Variants in SLC16A7 observed in about 807,000 individuals in gnomAD.
The protein encoded by SLC16A7 is monocarboxylate transporter 2.
A neutral mutation model predicts 34.9 loss-of-function variants in SLC16A7; 33 were observed. That is an observed-to-expected ratio of 0.94 (90% CI 0.72 to 1.26). The LOEUF (loss-of-function observed/expected upper bound fraction) is 1.26, where lower values mean the gene tolerates loss of function less well. SLC16A7 is among the 50% of genes most tolerant of loss of function. The probability of loss-of-function intolerance (pLI) is 0.00; values close to 1 mark genes in which losing one functional copy is unlikely to be tolerated. For missense variants in SLC16A7, 573 were observed against 578.1 expected, an observed-to-expected ratio of 0.99 and a Z score of 0.09; for synonymous variants, 201 against 206.6, an observed-to-expected ratio of 0.97 and a Z score of 0.23.
intron 2 of SLC16A7, among the ~76,000 whole-genome samples, chr12:59,663,224 T>G (rs1444276361): frequency 6.6e-6 from 1 of 151,994 alleles, no homozygotes; most frequent in Non-Finnish European, 1.5e-5. Context: ...CTTTAGAATA[T>G]TTTGTAATAA....
At chr12:59,701,649 C>G (rs1288421327) in intron 2 of SLC16A7, among the ~76,000 whole-genome samples, 1 of 151,576 alleles carries the variant, frequency 6.6e-6, no homozygotes, top group African/African-American at 2.4e-5. Context: ...GTGTTGACAC[C>G]TATTTATTGT....
intron 1 of SLC16A7, among the ~76,000 whole-genome samples, chr12:59,616,367 A>G (rs1174392720): frequency 2.0e-5 from 3 of 152,198 alleles, no homozygotes; most frequent in Non-Finnish European, 2.9e-5. Context: ...AACAATTAAA[A>G]AATCATTTGT....
At chr12:59,726,642 T>G (rs1565675904) in intron 3 of SLC16A7, among the ~76,000 whole-genome samples, 2 of 152,104 alleles carry the variant, frequency 1.3e-5, no homozygotes, top group Non-Finnish European at 2.9e-5. Flanking sequence ...ACATTAAAAA[T>G]TAAAAGGGTA....
chr12:59,621,872 G>A (rs939406215), intron 1 of SLC16A7, among the ~76,000 whole-genome samples: 1 of 151,688 alleles, frequency 6.6e-6, no homozygotes, highest in Non-Finnish European at 1.5e-5. Flanking sequence ...TCTTTGTTTT[G>A]AGGAAATTAT....
intron 3 of SLC16A7, among the ~76,000 whole-genome samples, chr12:59,749,361 A>G (rs1283576367): frequency 6.6e-6 from 1 of 152,180 alleles, no homozygotes; most frequent in East Asian, 1.9e-4. Flanking sequence ...TTGTGCCTCA[A>G]TTCAGGAAGT....
intron 3 of SLC16A7, among the ~76,000 whole-genome samples, chr12:59,745,644 A>G (rs1042140743): frequency 1.3e-5 from 2 of 152,222 alleles, no homozygotes; most frequent in African/African-American, 2.4e-5. Flanking sequence ...AACTGTGGCA[A>G]TTATGATACA....
In SLC16A7 at chr12:59,781,036, TA is replaced by T. The variant is rs1883210222; in HGVS notation, c.*1358del. 1 of 152,146 alleles carries T rather than the reference TA, an allele frequency of 6.6e-6. No individual in the cohort carries two copies. Among genetic ancestry groups the T allele is most frequent in the African/African-American group, 2.4e-5 (1 of 41,454 alleles). 9.4% of individuals were successfully genotyped at this position (152,146 alleles called of 1,614,324 possible). On this transcript the variant is annotated 3_prime_UTR_variant, in exon 6 of 6. Coordinates refer to ENST00000547379, the MANE Select transcript of SLC16A7 (RefSeq NM_001270623.2). ...AGAGGCACTGTATGACTTGCAATCG[TA>T]GGTATAGTTTATAACCTGATAGCAA...
At chr12:59,609,120 C>T (rs574213825) in intron 1 of SLC16A7, among the ~76,000 whole-genome samples, 25 of 152,272 alleles carry the variant, frequency 1.6e-4, no homozygotes, top group South Asian at 1.2e-3. Flanking sequence ...GAAGAATCAC[C>T]GAGTGAGTTC....
chr12:59,667,893 AT>A (rs1184887140), intron 2 of SLC16A7, among the ~76,000 whole-genome samples: 1 of 152,186 alleles, frequency 6.6e-6, no homozygotes, highest in Non-Finnish European at 1.5e-5. Context: ...GGTACCCTGC[AT>A]CCCAGCCATG....
At chr12:59,621,289 G>T (rs1462681589) in intron 1 of SLC16A7, among the ~76,000 whole-genome samples, 1 of 151,752 alleles carries the variant, frequency 6.6e-6, no homozygotes, top group African/African-American at 2.4e-5. Flanking sequence ...TTCTTTCCTG[G>T]ATAGAGCAGT....
chr12:59,677,257 G>A (rs747086095), intron 2 of SLC16A7, among the ~76,000 whole-genome samples: 67 of 152,000 alleles, frequency 4.4e-4, no homozygotes, highest in Non-Finnish European at 8.2e-4. Context: ...GTAGGCCAGA[G>A]GCATATTGGA....
chr12:59,747,424 A>G (rs1879014301), intron 3 of SLC16A7, among the ~76,000 whole-genome samples: 1 of 152,242 alleles, frequency 6.6e-6, no homozygotes, highest in Admixed American at 6.5e-5. Context: ...TTAAAAAATT[A>G]TAAAATATTT....
chr12:59,757,910 C>A (rs975946017), intron 3 of SLC16A7, among the ~76,000 whole-genome samples: 1 of 152,076 alleles, frequency 6.6e-6, no homozygotes, highest in African/African-American at 2.4e-5. Flanking sequence ...AATACATATA[C>A]AAAATGTGCG....
chr12:59,610,116 G>A (rs906006701), intron 1 of SLC16A7, among the ~76,000 whole-genome samples: 3 of 152,170 alleles, frequency 2.0e-5, no homozygotes, highest in African/African-American at 4.8e-5. Flanking sequence ...CCGAGGTAGA[G>A]TGGAATCCTC....
At chr12:59,685,740 C>T (rs1310928212) in intron 2 of SLC16A7, among the ~76,000 whole-genome samples, 1 of 151,982 alleles carries the variant, frequency 6.6e-6, no homozygotes, top group East Asian at 1.9e-4. Context: ...ATACAATATA[C>T]AAGGTTCTGT....
intron 4 of SLC16A7, 110 bp from the exon 5 acceptor site, chr12:59,774,547 C>A (rs191000005): frequency 3.2e-6 from 2 of 625,452 alleles, no homozygotes; most frequent in East Asian, 2.7e-5. Context: ...TATGATATTG[C>A]GTTTTTAATT....
chr12:59,602,528 G>A (rs1471855395), intron 1 of SLC16A7, among the ~76,000 whole-genome samples: 9 of 127,196 alleles, frequency 7.1e-5, no homozygotes, highest in African/African-American at 2.2e-4. Flanking sequence ...GCAACACCCA[G>A]GCTTGGGTGC....
At chr12:59,768,577 A>C (rs1218963687) in intron 3 of SLC16A7, among the ~76,000 whole-genome samples, 3 of 152,158 alleles carry the variant, frequency 2.0e-5, no homozygotes, top group African/African-American at 7.2e-5. Context: ...GGTTTGAGAG[A>C]ATTGACTCCA....
intron 3 of SLC16A7, among the ~76,000 whole-genome samples, chr12:59,727,396 A>G (rs1198477115): frequency 6.6e-6 from 1 of 152,066 alleles, no homozygotes; most frequent in Non-Finnish European, 1.5e-5. Flanking sequence ...CAGCATTGGG[A>G]CACTGTTGAG....
Sources: gnomAD v4.1 joint callset for allele counts (sites outside exome capture counted in the v4.1 genomes callset) on GRCh38, gnomAD v4.1.1 for gene constraint, MANE v1.5 for transcripts, NCBI Gene and HGNC (gene_info 2026-07-23, HGNC 2026-07-21) for gene names.